Variants in MKLN1 observed in about 807,000 individuals in gnomAD.
MKLN1 encodes muskelin.
MKLN1 carries 18 observed loss-of-function variants against 99.0 expected under a neutral mutation model. The observed-to-expected ratio is 0.18, with a 90% CI of 0.13 to 0.27. The LOEUF is 0.27. Ranked by LOEUF, MKLN1 falls within the 10% of genes least tolerant of loss-of-function variation. The pLI is 1.00. For synonymous variants in MKLN1, 288 were observed against 293.2 expected, an observed-to-expected ratio of 0.98 and a Z score of 0.18; for missense variants, 621 against 875.9, an observed-to-expected ratio of 0.71 and a Z score of 3.67.
rs1263368673 is a variant in MKLN1, at chr7:131,385,903, CT to C, written c.169-1213del. On this transcript the variant is annotated intron_variant, in intron 2 of 17. Coordinates refer to ENST00000352689, the MANE Select transcript of MKLN1 (RefSeq NM_013255.5). Reference sequence around the variant, plus strand: ...TCCAATTTATTTTATTTTGTTTGTACTTTTGCTGTCATATCTAAGAATCCGG... The same window carrying C: ...TCCAATTTATTTTATTTTGTTTGTACTTTGCTGTCATATCTAAGAATCCGG... Among the ~76,000 whole-genome samples, 7 of 151,752 alleles carry C rather than the reference CT, an allele frequency of 4.6e-5. No homozygotes were observed. The East Asian group carries it at 1.4e-3, about 29-fold the overall frequency.
rs557236138 is a variant in MKLN1, at chr7:131,368,454, A to G, written c.99-6970A>G. 7.2e-5 allele frequency among the ~76,000 whole-genome samples: 11 copies of G among 152,306 alleles called. No homozygotes were observed. In the South Asian group the frequency reaches 2.1e-3, roughly 29 times the overall value. On this transcript the variant is annotated intron_variant, in intron 1 of 17. Coordinates refer to ENST00000352689, the MANE Select transcript of MKLN1 (RefSeq NM_013255.5). ...AAGTTTAACTGACTCACAGGTCTGT[A>G]GGCTTGATAGGAAGCATGACTGGGA...
intron 11 of MKLN1, among the ~76,000 whole-genome samples, chr7:131,445,449 T>C (rs1287568579): frequency 1.3e-5 from 2 of 152,124 alleles, no homozygotes; most frequent in African/African-American, 2.4e-5. Flanking sequence ...CTCTCACTTT[T>C]CCCCTCTCTC....
chr7:131,266,684 T>A (rs1197673479), intron 3 of MKLN1, among the ~76,000 whole-genome samples: 1 of 151,998 alleles, frequency 6.6e-6, no homozygotes, highest in African/African-American at 2.4e-5. Context: ...ACAGACCCTG[T>A]CTTGAGGGAG....
intron 3 of MKLN1, among the ~76,000 whole-genome samples, chr7:131,246,447 C>T (rs1797490787): frequency 6.6e-6 from 1 of 152,166 alleles, no homozygotes. Context: ...GAGCTCTAAA[C>T]CCACATTTTA....
At chr7:131,461,511 G>T (rs1340846620) in intron 12 of MKLN1, among the ~76,000 whole-genome samples, 1 of 151,948 alleles carries the variant, frequency 6.6e-6, no homozygotes, top group East Asian at 1.9e-4. Flanking sequence ...CATTTGGATA[G>T]TCTTTAAAAT....
intron 3 of MKLN1, among the ~76,000 whole-genome samples, chr7:131,313,108 T>C (rs1354436766): frequency 6.6e-6 from 1 of 152,216 alleles, no homozygotes; most frequent in Non-Finnish European, 1.5e-5. Flanking sequence ...AACCAATAGA[T>C]CTAGGCAAAC....
intron 3 of MKLN1, among the ~76,000 whole-genome samples, chr7:131,266,115 A>C (rs1001163723): frequency 6.8e-6 from 1 of 147,416 alleles, no homozygotes; most frequent in Non-Finnish European, 1.5e-5. Flanking sequence ...CAGAGTTTGC[A>C]GTGAGCCGAG....
intron 3 of MKLN1, among the ~76,000 whole-genome samples, chr7:131,220,478 G>A (rs1356839965): frequency 6.6e-6 from 1 of 152,130 alleles, no homozygotes; most frequent in East Asian, 1.9e-4. Context: ...GAGACACCTG[G>A]TTGGAGCAGA....
At chr7:131,397,452 A>G in intron 5 of MKLN1, 76 bp downstream of exon 5, 1 of 729,154 alleles carries the variant, frequency 1.4e-6, no homozygotes. Context: ...TTCATTGAGA[A>G]TAATTTAAAA....
intron 3 of MKLN1, among the ~76,000 whole-genome samples, chr7:131,226,972 T>C (rs1797156874): frequency 6.6e-6 from 1 of 152,212 alleles, no homozygotes; most frequent in African/African-American, 2.4e-5. Context: ...TGGTCAAGGA[T>C]TTGATTGGAT....
chr7:131,327,869 G>C, upstream of MKLN1: 1 of 1,606,338 alleles, frequency 6.2e-7, no homozygotes, highest in Non-Finnish European at 8.5e-7. Flanking sequence ...CGCTGCCAGC[G>C]GTCGGTGGCG....
Position 131,287,600 on chromosome 7 carries a change from G to A in MKLN1, c.-179+84626G>A, listed in dbSNP as rs1258611651. ...CCTCCTGAACTTAATCACATATTTT[G>A]CCATGTAATGTAATATTCCCAGGTT... On this transcript the variant is annotated intron_variant, in intron 3 of 7. Coordinates refer to the MKLN1 transcript ENST00000416992. 3.3e-5 allele frequency among the ~76,000 whole-genome samples: 5 copies of A among 152,158 alleles called. No individual in the cohort carries two copies. The East Asian group carries it at 9.6e-4, about 29-fold the overall frequency.
At chr7:131,439,223 T>C (rs1392334299) in intron 10 of MKLN1, among the ~76,000 whole-genome samples, 1 of 152,142 alleles carries the variant, frequency 6.6e-6, no homozygotes, top group Non-Finnish European at 1.5e-5. Flanking sequence ...ATAATATTGT[T>C]AGGGAACAAT....
chr7:131,116,298 T>G (rs1008170886), intron 1 of MKLN1, among the ~76,000 whole-genome samples: 1 of 151,992 alleles, frequency 6.6e-6, no homozygotes. Flanking sequence ...GAATGGCTAG[T>G]GGTGATGATT....
intron 2 of MKLN1, among the ~76,000 whole-genome samples, chr7:131,187,958 AAAAAAG>A (rs1254516503): frequency 2.6e-5 from 4 of 152,158 alleles, no homozygotes; most frequent in Non-Finnish European, 4.4e-5. Context: ...TCTGTCTCAA[AAAAAAG>A]AAAAAGAAAG....
intron 16 of MKLN1, among the ~76,000 whole-genome samples, chr7:131,472,678 C>T (rs1348082273): frequency 1.3e-5 from 2 of 151,932 alleles, no homozygotes; most frequent in Admixed American, 6.6e-5. Flanking sequence ...TGGCTGGGCG[C>T]GGTGGCTCAC....
rs1795927869 is a variant in MKLN1 at position 131,153,926 on chromosome 7, G to A, written c.-297+10985G>A. Among the ~76,000 whole-genome samples, 4 of 152,156 alleles carry A rather than the reference G, an allele frequency of 2.6e-5. No homozygotes were observed. In the South Asian group the frequency reaches 8.3e-4, roughly 32 times the overall value. On this transcript the variant is annotated intron_variant, in intron 2 of 7. Transcript: ENST00000416992. Reference sequence around the variant, plus strand: ...AATCTGCCTGCCTTGGCCTCCCAAAGTACTGGGATTATAGGCATGAGCCAC... The same window carrying A: ...AATCTGCCTGCCTTGGCCTCCCAAAATACTGGGATTATAGGCATGAGCCAC...
chr7:131,296,443 A>G lies in MKLN1; in HGVS notation c.-178-78981A>G, dbSNP rs188523812. Among the ~76,000 whole-genome samples, 70 of 152,356 alleles carry G rather than the reference A, an allele frequency of 4.6e-4. No homozygotes were observed. The East Asian group carries it at 0.01, about 22-fold the overall frequency. On this transcript the variant is annotated intron_variant, in intron 3 of 7. Transcript: ENST00000416992. ...TTAATATAGAAAAAATACACCAGAA[A>G]TAATTAACAGTGCTTGCCTTGTGAT...
intron 3 of MKLN1, among the ~76,000 whole-genome samples, chr7:131,218,620 A>C (rs974797751): frequency 6.6e-6 from 1 of 152,206 alleles, no homozygotes; most frequent in Admixed American, 6.5e-5. Flanking sequence ...CCAGTGGATA[A>C]ATAAAATGTG....
Sources: gnomAD v4.1 joint callset for allele counts (sites outside exome capture counted in the v4.1 genomes callset) on GRCh38, gnomAD v4.1.1 for gene constraint, MANE v1.5 for transcripts, NCBI Gene and HGNC (gene_info 2026-07-23, HGNC 2026-07-21) for gene names.